Variants in RAPGEF5 observed in about 807,000 individuals in gnomAD.
RAPGEF5 encodes Rap guanine nucleotide exchange factor 5.
Under a neutral mutation model 125.2 loss-of-function variants are expected in RAPGEF5, and 65 were observed. That is an observed-to-expected ratio of 0.52 (90% CI 0.43 to 0.64). RAPGEF5 has a LOEUF of 0.64. Ranked by LOEUF, RAPGEF5 falls within the 30% of genes least tolerant of loss-of-function variation. The probability of loss-of-function intolerance (pLI) is 0.00; values close to 1 mark genes in which losing one functional copy is unlikely to be tolerated. For missense variants in RAPGEF5, 958 were observed against 1,048.1 expected, an observed-to-expected ratio of 0.91 and a Z score of 1.19; for synonymous variants, 391 against 385.9, an observed-to-expected ratio of 1.01 and a Z score of -0.16.
chr7:22,235,823 G>A (rs1324488036), intron 7 of RAPGEF5, among the ~76,000 whole-genome samples: 3 of 152,134 alleles, frequency 2.0e-5, no homozygotes, highest in Non-Finnish European at 2.9e-5. Flanking sequence ...AGTGAGAAAT[G>A]TTTAGACACT....
chr7:22,228,310 G>C (rs914710772), intron 8 of RAPGEF5, among the ~76,000 whole-genome samples: 2 of 152,166 alleles, frequency 1.3e-5, no homozygotes, highest in African/African-American at 2.4e-5. Context: ...CATCTATAAA[G>C]TGGTAGTAAT....
At chr7:22,197,143 A>T (rs1335821345) in intron 9 of RAPGEF5, among the ~76,000 whole-genome samples, 1 of 152,208 alleles carries the variant, frequency 6.6e-6, no homozygotes, top group Non-Finnish European at 1.5e-5. Flanking sequence ...ATTTACAAAG[A>T]TGGTAAGTCT....
intron 8 of RAPGEF5, among the ~76,000 whole-genome samples, chr7:22,227,530 A>G (rs1206377150): frequency 6.6e-6 from 1 of 152,206 alleles, no homozygotes; most frequent in Non-Finnish European, 1.5e-5. Flanking sequence ...AAGAATTTCC[A>G]AAGTTCAATA....
chr7:22,125,602 A>C lies in RAPGEF5; in HGVS notation c.2536+2T>G. 6.2e-7 allele frequency: 1 copy of C among 1,609,436 alleles called. No homozygotes were observed. Among genetic ancestry groups the C allele is most frequent in the East Asian group, 2.2e-5 (1 of 44,864 alleles). ...ATTCCGCACCTGACTTCAATTACTC[A>C]CCAAACTGGTTAGTCCTGCAGTGTC... On this transcript the variant is annotated splice_donor_variant, in intron 25 of 25. Transcript: ENST00000665637. LOFTEE classifies it high-confidence loss of function.
intron 1 of RAPGEF5, among the ~76,000 whole-genome samples, chr7:22,346,431 A>G (rs776885306): frequency 6.6e-6 from 1 of 152,168 alleles, no homozygotes; most frequent in African/African-American, 2.4e-5. Flanking sequence ...ACAAATTCAC[A>G]GCACAATATA....
chr7:22,193,584 C>G (rs1785066580), intron 10 of RAPGEF5, 129 bp from the exon 11 acceptor site: 1 of 1,551,278 alleles, frequency 6.4e-7, no homozygotes, highest in African/African-American at 1.4e-5. Context: ...GCAAGGGCAG[C>G]TCTCGGTCTG....
At chr7:22,228,296 G>A (rs528168537) in intron 8 of RAPGEF5, among the ~76,000 whole-genome samples, 4 of 152,168 alleles carry the variant, frequency 2.6e-5, no homozygotes, top group South Asian at 4.2e-4. Context: ...GTCCCTTACC[G>A]GCACATCTAT....
chr7:22,246,393 G>C (rs986764510), intron 7 of RAPGEF5, among the ~76,000 whole-genome samples: 1 of 152,074 alleles, frequency 6.6e-6, no homozygotes, highest in South Asian at 2.1e-4. Context: ...AAGACCAATG[G>C]AACAGAATAG....
chr7:22,195,462 T>C (rs1324646197), intron 9 of RAPGEF5, among the ~76,000 whole-genome samples: 1 of 152,234 alleles, frequency 6.6e-6, no homozygotes, highest in Non-Finnish European at 1.5e-5. Flanking sequence ...TGATCATTCT[T>C]TTTTAATCTT....
At chr7:22,169,300 C>A (rs536957307) in intron 11 of RAPGEF5, among the ~76,000 whole-genome samples, 1 of 152,308 alleles carries the variant, frequency 6.6e-6, no homozygotes, top group African/African-American at 2.4e-5. Flanking sequence ...AACAAGTTAA[C>A]CTGGCAGCTC....
intron 3 of RAPGEF5, among the ~76,000 whole-genome samples, chr7:22,313,055 G>T (rs1480051827): frequency 6.6e-6 from 1 of 152,158 alleles, no homozygotes; most frequent in Admixed American, 6.5e-5. Context: ...AGTACATGCA[G>T]ATCTGACTCC....
Position 22,205,877 on chromosome 7 carries a change from C to T in RAPGEF5, c.997-11844G>A, listed in dbSNP as rs937696830. 4.6e-5 allele frequency among the ~76,000 whole-genome samples: 7 copies of T among 152,208 alleles called. No individual in the cohort carries two copies. The South Asian group carries it at 1.0e-3, about 22-fold the overall frequency. On this transcript the variant is annotated intron_variant, in intron 9 of 25. Coordinates refer to ENST00000665637, the MANE Select transcript of RAPGEF5 (RefSeq NM_012294.5). ...TGGATATGCTAGATCAGCCATCTGT[C>T]CTGTATCAACACCATTTCACAGAGT...
chr7:22,309,953 A>G lies in RAPGEF5; in HGVS notation c.511+16T>C. ...AATAAAATAATGATGCTGTGCCTTCAAGACATAATACTAACCTGATAACAT... is the reference window on the plus strand; with the variant it reads ...AATAAAATAATGATGCTGTGCCTTCGAGACATAATACTAACCTGATAACAT... On this transcript the variant is annotated intron_variant, in intron 4 of 25. Transcript: ENST00000665637. The G allele has an allele frequency of 6.4e-7, 1 of 1,556,602 alleles. No homozygotes were observed. The highest frequency in any genetic ancestry group is 8.6e-7 in the Non-Finnish European group (1 of 1,161,054).
intron 25 of RAPGEF5, among the ~76,000 whole-genome samples, chr7:22,123,383 C>A (rs1159631651): frequency 6.6e-6 from 1 of 152,074 alleles, no homozygotes; most frequent in Non-Finnish European, 1.5e-5. Context: ...GAACACTGGC[C>A]AAACTGCACT....
intron 7 of RAPGEF5, among the ~76,000 whole-genome samples, chr7:22,236,596 TC>T (rs1325983805): frequency 6.6e-6 from 1 of 152,116 alleles, no homozygotes; most frequent in Non-Finnish European, 1.5e-5. Context: ...CCTCAATCTC[TC>T]CCTAAATCCT....
At chr7:22,306,021 G>A (rs1462279142) in intron 5 of RAPGEF5, among the ~76,000 whole-genome samples, 1 of 152,192 alleles carries the variant, frequency 6.6e-6, no homozygotes, top group Non-Finnish European at 1.5e-5. Context: ...ACATAGGAAA[G>A]CAGGTATCCT....
Position 22,156,792 on chromosome 7 carries a change from A to C in RAPGEF5, c.1636+18T>G. ...AACTGCTGCCCACCCCCAAACCCTC[A>C]CTTCAAACCATACTCACTTTCCTCC... On this transcript the variant is annotated intron_variant, in intron 16 of 25. Coordinates refer to ENST00000665637, the MANE Select transcript of RAPGEF5 (RefSeq NM_012294.5). 1 of 1,613,448 alleles carries C rather than the reference A, an allele frequency of 6.2e-7. No individual in the cohort carries two copies. The highest frequency in any genetic ancestry group is 8.5e-7 in the Non-Finnish European group (1 of 1,179,634).
rs564895198 is a variant in RAPGEF5 at position 22,121,522 on chromosome 7, G to C, written c.*884C>G. 6.6e-6 allele frequency: 1 copy of C among 152,292 alleles called. No homozygotes were observed. The highest frequency in any genetic ancestry group is 2.1e-4 in the South Asian group (1 of 4,818). 9.4% of individuals were successfully genotyped at this position (152,292 alleles called of 1,614,324 possible). A position where few individuals can be genotyped will look rare whatever the true frequency, so the allele number is the denominator to read the frequency against. On this transcript the variant is annotated 3_prime_UTR_variant, in exon 26 of 26. Coordinates refer to ENST00000665637, the MANE Select transcript of RAPGEF5 (RefSeq NM_012294.5). ...CAGGCACAAGAATGCAGACTTTTGT[G>C]ACTCTGTCACCTCAGCAAGCAGTTG... is the stretch of plus-strand genomic sequence containing the variant.
Position 22,118,828 on chromosome 7 carries a change from A to G in RAPGEF5, c.*3578T>C, listed in dbSNP as rs1164790088. On this transcript the variant is annotated 3_prime_UTR_variant, in exon 26 of 26. Transcript: ENST00000665637. The stretch of plus-strand genomic sequence containing the variant: ...ATTACTCTGCTAAAAAATGTTTAGT[A>G]TATACAGCTTTGCTTTATACAGTAA... The G allele has an allele frequency of 1.3e-5, 2 of 152,638 alleles. No homozygotes were observed. Among genetic ancestry groups the G allele is most frequent in the African/African-American group, 2.4e-5 (1 of 41,458 alleles). The allele number at this position is 152,638 out of a possible 1,614,324, so 9.5% of individuals were successfully genotyped here.
Sources: allele counts gnomAD v4.1 joint callset (sites outside exome capture counted in the v4.1 genomes callset), GRCh38; gene constraint gnomAD v4.1.1; transcripts MANE v1.5; gene names NCBI Gene and HGNC (gene_info 2026-07-23, HGNC 2026-07-21).